TMEM200A: variants seen among roughly 807,000 people sequenced by gnomAD.
TMEM200A encodes the protein two transmembrane C.
Under a neutral mutation model 24.3 loss-of-function variants are expected in TMEM200A, and 12 were observed. The ratio of observed to expected loss-of-function variants is 0.49; its 90% confidence interval spans 0.32 to 0.80. TMEM200A has a LOEUF of 0.80. Ranked by LOEUF, TMEM200A falls within the 30% of genes least tolerant of loss-of-function variation. The pLI, the probability that TMEM200A is intolerant of heterozygous loss-of-function variation, is 0.04. For missense variants in TMEM200A, 545 were observed against 614.4 expected (o/e 0.89, Z 1.19); for synonymous variants, 224 against 224.4 (o/e 1.00, Z 0.02).
intron 2 of TMEM200A, among the ~76,000 whole-genome samples, chr6:130,391,442 G>C (rs188665150): frequency 1.3e-5 from 2 of 151,974 alleles, no homozygotes; most frequent in Non-Finnish European, 2.9e-5. Flanking sequence ...GGGAAATCTG[G>C]GATAGGATAC....
At chr6:130,414,186 CT>C (rs202149908) in intron 2 of TMEM200A, among the ~76,000 whole-genome samples, 2,777 of 152,186 alleles carry the variant, frequency 0.018, 22 homozygotes, top group Non-Finnish European at 0.027. Flanking sequence ...AATCCCAGCA[CT>C]TTAGGAGCCT....
intron 1 of TMEM200A, among the ~76,000 whole-genome samples, chr6:130,383,483 G>A (rs1778647945): frequency 6.6e-6 from 1 of 151,944 alleles, no homozygotes; most frequent in Admixed American, 6.5e-5. Context: ...TCTGGCGATG[G>A]CAAATAATCT....
chr6:130,405,524 C>T lies in TMEM200A; in HGVS notation c.-17+20288C>T, dbSNP rs545132517. Among the ~76,000 whole-genome samples the T allele has an allele frequency of 2.0e-5, 3 of 152,234 alleles. No individual in the cohort carries two copies. In the South Asian group the frequency reaches 6.2e-4, roughly 32 times the overall value. On this transcript the variant is annotated intron_variant, in intron 2 of 2. Transcript: ENST00000296978. ...TGGTCTCTTCTTACAGTTCACTTTC[C>T]ATTAGTTGACTTTGCATCATGGTAG... is the stretch of plus-strand genomic sequence containing the variant.
chr6:130,385,823 T>C (rs1401784926), intron 2 of TMEM200A, among the ~76,000 whole-genome samples: 3 of 152,202 alleles, frequency 2.0e-5, no homozygotes, highest in Admixed American at 2.0e-4. Flanking sequence ...AGAAATAATT[T>C]GCAGATGAAT....
intron 2 of TMEM200A, among the ~76,000 whole-genome samples, chr6:130,401,347 C>G (rs762198092): frequency 2.0e-4 from 30 of 151,226 alleles, no homozygotes; most frequent in Non-Finnish European, 3.4e-4. Flanking sequence ...TAATTTAGAT[C>G]CCTTCCTTTC....
At chr6:130,380,642 C>T (rs1246208224) in intron 1 of TMEM200A, among the ~76,000 whole-genome samples, 1 of 152,148 alleles carries the variant, frequency 6.6e-6, no homozygotes, top group Non-Finnish European at 1.5e-5. Flanking sequence ...GGGAACATCA[C>T]ATCCTTGTTC....
Position 130,440,482 on chromosome 6 carries a change from C to T in TMEM200A, c.60C>T (p.Ala20=). 6.2e-7 allele frequency: 1 copy of T among 1,612,614 alleles called. No homozygotes were observed. The highest frequency in any genetic ancestry group is 8.5e-7 in the Non-Finnish European group (1 of 1,179,330). Residue 20 remains alanine, a synonymous_variant, in exon 3 of 3, where the codon GCC becomes GCT. Coordinates refer to ENST00000296978, the MANE Select transcript of TMEM200A (RefSeq NM_001258277.2). ...GLAALKRQDS[A]RSQQHVNLSP... is the part of the protein sequence containing the mutation. The stretch of plus-strand genomic sequence containing the variant: ...CCGCCTTGAAAAGGCAAGACTCTGC[C>T]AGATCACAGCAGCATGTCAACCTCA...
intron 2 of TMEM200A, among the ~76,000 whole-genome samples, chr6:130,398,653 T>C (rs1779008528): frequency 6.6e-6 from 1 of 152,052 alleles, no homozygotes; most frequent in African/African-American, 2.4e-5. Context: ...TCTGTTGTTT[T>C]AAGACTTTTT....
intron 2 of TMEM200A, among the ~76,000 whole-genome samples, chr6:130,410,422 T>A (rs1401729102): frequency 6.6e-6 from 1 of 152,252 alleles, no homozygotes; most frequent in Non-Finnish European, 1.5e-5. Context: ...TCATGGTAAT[T>A]GTGGGCATTT....
chr6:130,436,655 T>TTTTTTTTTTTG (rs1780025015), intron 2 of TMEM200A, among the ~76,000 whole-genome samples: 1 of 105,842 alleles, frequency 9.4e-6, no homozygotes, highest in Non-Finnish European at 1.8e-5. Flanking sequence ...TTTTTTTTTT[T>TTTTTTTTTTTG]TTTTTTTCAG....
chr6:130,408,027 G>C (rs1779243691), intron 2 of TMEM200A, among the ~76,000 whole-genome samples: 1 of 152,092 alleles, frequency 6.6e-6, no homozygotes, highest in African/African-American at 2.4e-5. Context: ...GCAAAATGTG[G>C]GGCATGCAAA....
chr6:130,440,044 G>C (rs1310697977), intron 2 of TMEM200A, among the ~76,000 whole-genome samples: 1 of 150,146 alleles, frequency 6.7e-6, no homozygotes, highest in Non-Finnish European at 1.5e-5. Context: ...GTGTGTGTGA[G>C]AGAGAGAGAG....
At chr6:130,412,684 G>A (rs1361061885) in intron 2 of TMEM200A, among the ~76,000 whole-genome samples, 1 of 152,156 alleles carries the variant, frequency 6.6e-6, no homozygotes, top group African/African-American at 2.4e-5. Flanking sequence ...GGAATCCTCT[G>A]CTGTGCTGTG....
chr6:130,388,774 C>T (rs1382990260), intron 2 of TMEM200A, among the ~76,000 whole-genome samples: 1 of 151,990 alleles, frequency 6.6e-6, no homozygotes, highest in Non-Finnish European at 1.5e-5. Context: ...TTAGAATATC[C>T]TTACAGAAAG....
chr6:130,415,834 T>G (rs1273055450), intron 2 of TMEM200A, among the ~76,000 whole-genome samples: 1 of 152,184 alleles, frequency 6.6e-6, no homozygotes, highest in African/African-American at 2.4e-5. Context: ...TTAGTGAAAA[T>G]TCATTATCTG....
intron 2 of TMEM200A, among the ~76,000 whole-genome samples, chr6:130,435,894 G>A (rs920876492): frequency 3.9e-5 from 6 of 152,320 alleles, no homozygotes; most frequent in African/African-American, 1.4e-4. Flanking sequence ...TACACTGAAG[G>A]GATATGGACA....
chr6:130,413,955 C>CTGA (rs1779389665), intron 2 of TMEM200A, among the ~76,000 whole-genome samples: 1 of 152,102 alleles, frequency 6.6e-6, no homozygotes, highest in Non-Finnish European at 1.5e-5. Flanking sequence ...TAAAAGCTAA[C>CTGA]TGATGTATAT....
intron 1 of TMEM200A, among the ~76,000 whole-genome samples, chr6:130,379,311 G>A (rs908171657): frequency 6.6e-6 from 1 of 152,138 alleles, no homozygotes; most frequent in African/African-American, 2.4e-5. Flanking sequence ...TTCTCATAAA[G>A]GGTTACAGCC....
chr6:130,415,976 T>C (rs1169796388), intron 2 of TMEM200A, among the ~76,000 whole-genome samples: 1 of 152,208 alleles, frequency 6.6e-6, no homozygotes. Context: ...TTTTTCTTTT[T>C]ATCATTAAAA....
Sources: gnomAD v4.1 joint callset for allele counts (sites outside exome capture counted in the v4.1 genomes callset) on GRCh38, gnomAD v4.1.1 for gene constraint, MANE v1.5 for transcripts, NCBI Gene and HGNC (gene_info 2026-07-23, HGNC 2026-07-21) for gene names.